Variants in KIAA1671 observed in about 807,000 individuals in gnomAD.
The protein encoded by KIAA1671 is uncharacterized protein KIAA1671.
A neutral mutation model predicts 131.2 loss-of-function variants in KIAA1671; 52 were observed. The ratio of observed to expected loss-of-function variants is 0.40; its 90% CI spans 0.32 to 0.50. KIAA1671 has a LOEUF of 0.50. Among genes scored for constraint, KIAA1671 ranks in the 20% least tolerant of loss-of-function variants. The pLI is 0.73. For synonymous variants in KIAA1671, 1,003 were observed against 961.6 expected (o/e 1.04, Z -0.80); for missense variants, 2,360 against 2,364.2 (o/e 1.00, Z 0.04).
At chr22:25,172,278 G>C (rs992961625) in intron 7 of KIAA1671, among the ~76,000 whole-genome samples, 5 of 152,052 alleles carry the variant, frequency 3.3e-5, no homozygotes, top group East Asian at 1.9e-4. Flanking sequence ...TGTGGACTTA[G>C]GTGCACCCCT....
rs574335389 is a variant in KIAA1671, at chr22:25,177,661, T to C, written c.5074+139T>C. 1.8e-3 allele frequency: 1,339 copies of C among 725,954 alleles called. 3 individuals carry two copies. The highest frequency in any genetic ancestry group is 2.2e-3 in the Non-Finnish European group (1,013 of 450,960). The allele number at this position is 725,954 out of a possible 1,614,324, so 45.0% of individuals were successfully genotyped here. A position where few individuals can be genotyped will look rare whatever the true frequency, so the allele number is the denominator to read the frequency against. On this transcript the variant is annotated intron_variant, in intron 9 of 12. Transcript: ENST00000358431. ...TTACATAGGAAACTGATTTTTTTTTTCATGTCTTAAACACACAGGTGTTTA... is the reference window on the plus strand; with the variant it reads ...TTACATAGGAAACTGATTTTTTTTTCCATGTCTTAAACACACAGGTGTTTA...
intron 6 of KIAA1671, among the ~76,000 whole-genome samples, chr22:25,139,146 C>G (rs1932767715): frequency 1.3e-5 from 2 of 152,192 alleles, no homozygotes; most frequent in African/African-American, 4.8e-5. Context: ...GTTGGGAATT[C>G]TGGGGATGCT....
At chr22:25,114,190 TC>T (rs1931539257) in intron 6 of KIAA1671, among the ~76,000 whole-genome samples, 1 of 152,166 alleles carries the variant, frequency 6.6e-6, no homozygotes, top group Non-Finnish European at 1.5e-5. Context: ...TCAGGCTCCT[TC>T]CCATGTAGCC....
At chr22:25,059,991 C>T (rs1438205866) in intron 6 of KIAA1671, 7 of 152,128 alleles carry the variant, frequency 4.6e-5, no homozygotes, top group African/African-American at 4.8e-5. Context: ...GCTTGGAACC[C>T]GGATTTGCAG....
chr22:25,109,117 T>C (rs1931196343), intron 6 of KIAA1671, among the ~76,000 whole-genome samples: 1 of 151,328 alleles, frequency 6.6e-6, no homozygotes, highest in South Asian at 2.1e-4. Context: ...ATCACTTCTT[T>C]TTTTTTTTTT....
At chr22:24,985,915 G>A (rs1181550471) in intron 1 of KIAA1671, among the ~76,000 whole-genome samples, 1 of 152,128 alleles carries the variant, frequency 6.6e-6, no homozygotes, top group Non-Finnish European at 1.5e-5. Flanking sequence ...GGGTTGTGGG[G>A]TAACCCTTCG....
Position 25,085,671 on chromosome 22 carries a change from C to T in KIAA1671, c.4530+36307C>T, listed in dbSNP as rs1300461258. Among the ~76,000 whole-genome samples, 4 of 151,820 alleles carry T rather than the reference C, an allele frequency of 2.6e-5. No homozygotes were observed. In the South Asian group the frequency reaches 6.2e-4, roughly 24 times the overall value. On this transcript the variant is annotated intron_variant, in intron 6 of 12. Transcript: ENST00000358431. The stretch of plus-strand genomic sequence containing the variant: ...GAGCTGGTGTGTCTATGACTTCCTT[C>T]AGATCCAGGCCTGGGATTCATTCCT...
chr22:25,191,109 G>A (rs1395350650), intron 12 of KIAA1671, among the ~76,000 whole-genome samples: 1 of 151,986 alleles, frequency 6.6e-6, no homozygotes, highest in African/African-American at 2.4e-5. Context: ...ACAAAAGGGC[G>A]GGGACATCAG....
intron 1 of KIAA1671, chr22:25,014,412 T>G (rs45485293): frequency 6.6e-6 from 1 of 152,202 alleles, no homozygotes; most frequent in Non-Finnish European, 1.5e-5. Context: ...TAGGAATTTT[T>G]TTTTGTTTTT....
chr22:25,127,910 G>A (rs1162713250), intron 6 of KIAA1671, among the ~76,000 whole-genome samples: 1 of 152,192 alleles, frequency 6.6e-6, no homozygotes, highest in Non-Finnish European at 1.5e-5. Context: ...GTGGTGAAGC[G>A]GCTGCTGTGG....
intron 6 of KIAA1671, among the ~76,000 whole-genome samples, chr22:25,099,862 G>C (rs978495611): frequency 6.6e-6 from 1 of 152,098 alleles, no homozygotes; most frequent in African/African-American, 2.4e-5. Flanking sequence ...ATTCCAATGG[G>C]GCAGTCCCCA....
At chr22:25,058,372 A>G (rs1375245021) in intron 6 of KIAA1671, 1 of 152,170 alleles carries the variant, frequency 6.6e-6, no homozygotes, top group Non-Finnish European at 1.5e-5. Flanking sequence ...AATAAAGTTC[A>G]TAGTTTATTC....
At chr22:25,141,399 A>G (rs111842603) in intron 6 of KIAA1671, among the ~76,000 whole-genome samples, 17 of 151,136 alleles carry the variant, frequency 1.1e-4, no homozygotes, top group Admixed American at 1.1e-3. Context: ...CACCTGGCTA[A>G]TTTTTTGTAT....
At chr22:25,127,177 AT>A (rs1306445798) in intron 6 of KIAA1671, among the ~76,000 whole-genome samples, 1 of 152,218 alleles carries the variant, frequency 6.6e-6, no homozygotes, top group African/African-American at 2.4e-5. Flanking sequence ...GGTGGTGAGA[AT>A]TCCATACAGT....
chr22:24,993,877 G>C (rs565208859), intron 1 of KIAA1671, among the ~76,000 whole-genome samples: 1 of 152,062 alleles, frequency 6.6e-6, no homozygotes, highest in Non-Finnish European at 1.5e-5. Context: ...TCAGGAGTTC[G>C]AGACCAGCCT....
At chr22:25,093,742 C>CTTTCTCTCTCTCTCTCTG (rs1930168228) in intron 6 of KIAA1671, among the ~76,000 whole-genome samples, 12 of 118,524 alleles carry the variant, frequency 1.0e-4, no homozygotes, top group East Asian at 2.5e-4. Flanking sequence ...CACACACTCT[C>CTTTCTCTCTCTCTCTCTG]TCTCTCTCTC....
intron 6 of KIAA1671, among the ~76,000 whole-genome samples, chr22:25,090,986 G>T (rs1245987009): frequency 3.3e-5 from 5 of 152,178 alleles, no homozygotes; most frequent in African/African-American, 1.2e-4. Flanking sequence ...CTAGCACAGG[G>T]CCTGGAACAC....
At chr22:25,147,131 T>C (rs1390856867) in intron 6 of KIAA1671, among the ~76,000 whole-genome samples, 1 of 152,078 alleles carries the variant, frequency 6.6e-6, no homozygotes, top group Non-Finnish European at 1.5e-5. Context: ...GTCTGTGCCA[T>C]GCAGCATTTT....
rs1427259336 is a variant in KIAA1671, at chr22:25,041,538, A to G, written c.4395+13A>G. On this transcript the variant is annotated intron_variant, in intron 5 of 12. Transcript: ENST00000358431. The stretch of plus-strand genomic sequence containing the variant: ...AGACAGTCACAAGGTAAGTACCGAG[A>G]CACTTTTTAATTTTGTCAAACATGG... 4.0e-6 allele frequency: 6 copies of G among 1,505,632 alleles called. No individual in the cohort carries two copies. In the East Asian group the frequency reaches 1.5e-4, roughly 37 times the overall value. 93.3% of individuals were successfully genotyped at this position (1,505,632 alleles called of 1,614,324 possible). A position where few individuals can be genotyped will look rare whatever the true frequency, so the allele number is the denominator to read the frequency against.
Sources: allele counts gnomAD v4.1 joint callset (sites outside exome capture counted in the v4.1 genomes callset), GRCh38; gene constraint gnomAD v4.1.1; transcripts MANE v1.5; gene names NCBI Gene and HGNC (gene_info 2026-07-23, HGNC 2026-07-21).